ANKS1A: variants seen among roughly 807,000 people sequenced by gnomAD.
ANKS1A encodes ankyrin repeat and SAM domain-containing protein 1A.
In ANKS1A, 55 loss-of-function variants were observed where a neutral mutation model predicts 120.3. That is an observed-to-expected ratio of 0.46 (90% confidence interval 0.37 to 0.57). The LOEUF is 0.57. Among genes scored for constraint, ANKS1A ranks in the 20% least tolerant of loss-of-function variants. The pLI, the probability that ANKS1A is intolerant of heterozygous loss-of-function variation, is 0.00. For missense variants in ANKS1A, 1,123 were observed against 1,480.3 expected, an observed-to-expected ratio of 0.76 and a Z score of 3.96; for synonymous variants, 590 against 604.7, an observed-to-expected ratio of 0.98 and a Z score of 0.36.
intron 13 of ANKS1A, among the ~76,000 whole-genome samples, chr6:35,074,605 G>A (rs1291925043): frequency 6.6e-6 from 1 of 152,176 alleles, no homozygotes; most frequent in Non-Finnish European, 1.5e-5. Flanking sequence ...GCCTCTCTCT[G>A]CCTTTCTGCA....
chr6:34,972,213 C>T (rs1446813952), intron 3 of ANKS1A, among the ~76,000 whole-genome samples: 2 of 152,098 alleles, frequency 1.3e-5, no homozygotes, highest in Admixed American at 1.3e-4. Context: ...ACAGCTGCCT[C>T]CTGCTTGGAG....
chr6:35,017,878 C>T lies in ANKS1A; in HGVS notation c.1829C>T (p.Thr610Ile), dbSNP rs767732825. ...RSGARSRAPPTSKPKAELKLS... is the reference protein window; with the variant it reads ...RSGARSRAPPISKPKAELKLS... Reference sequence around the variant, plus strand: ...GGGGCCAGGAGCCGAGCGCCTCCCACTAGCAAACCCAAAGCTGAACTCAAA... The same window carrying T: ...GGGGCCAGGAGCCGAGCGCCTCCCATTAGCAAACCCAAAGCTGAACTCAAA... The change falls in exon 11 of 24, where the codon ACT (threonine) becomes ATT (isoleucine). Residue 610 changes from threonine (T) to isoleucine (I), a missense_variant. Coordinates refer to ENST00000360359, the MANE Select transcript of ANKS1A (RefSeq NM_015245.3). 2 of 1,614,216 alleles carry T rather than the reference C, an allele frequency of 1.2e-6. No individual in the cohort carries two copies. The highest frequency in any genetic ancestry group is 3.3e-5 in the Admixed American group (2 of 60,028).
chr6:35,090,419 G>T lies in ANKS1A; in HGVS notation c.*1810G>T, dbSNP rs973062757. The T allele has an allele frequency of 2.5e-6, 3 of 1,199,160 alleles. No individual in the cohort carries two copies. The Admixed American group carries it at 1.0e-4, about 40-fold the overall frequency. 74.3% of individuals were successfully genotyped at this position (1,199,160 alleles called of 1,614,324 possible). A position where few individuals can be genotyped will look rare whatever the true frequency, so the allele number is the denominator to read the frequency against. On this transcript the variant is annotated 3_prime_UTR_variant, in exon 24 of 24. Coordinates refer to ENST00000360359, the MANE Select transcript of ANKS1A (RefSeq NM_015245.3). ...CTGTCGGGGGCGGGGCGGTAGGTCC[G>T]AAAGAAACCGCAGACACTACGATGC...
chr6:35,090,335 T>G lies in ANKS1A; in HGVS notation c.*1726T>G. 7.8e-7 allele frequency: 1 copy of G among 1,277,840 alleles called. No homozygotes were observed. Among genetic ancestry groups the G allele is most frequent in the Non-Finnish European group, 1.0e-6 (1 of 980,376 alleles). 79.2% of individuals were successfully genotyped at this position (1,277,840 alleles called of 1,614,324 possible). On this transcript the variant is annotated 3_prime_UTR_variant, in exon 24 of 24. Coordinates refer to ENST00000360359, the MANE Select transcript of ANKS1A (RefSeq NM_015245.3). ...CATCCAGAGTAGACTGCGCTGCCAC[T>G]GCGCACATGCTGGTGCCCGTCTTCC...
In ANKS1A at chr6:34,933,170, C is replaced by T. The variant is rs149812005; in HGVS notation, c.198-34069C>T. On this transcript the variant is annotated intron_variant, in intron 1 of 23. Coordinates refer to ENST00000360359, the MANE Select transcript of ANKS1A (RefSeq NM_015245.3). The stretch of plus-strand genomic sequence containing the variant: ...GGACATCTTTGAATTGGGTTACTTG[C>T]CTTTCTGTTGTTGAGTTGTATGAGT... 1.1e-4 allele frequency among the ~76,000 whole-genome samples: 16 copies of T among 152,182 alleles called. 1 individual carries two copies. The highest frequency in any genetic ancestry group is 8.5e-4 in the Admixed American group (13 of 15,304).
At chr6:34,994,903 C>T (rs1344156024) in intron 10 of ANKS1A, among the ~76,000 whole-genome samples, 1 of 152,198 alleles carries the variant, frequency 6.6e-6, no homozygotes, top group Non-Finnish European at 1.5e-5. Flanking sequence ...TCGCCTTGGC[C>T]TACTTTCATT....
chr6:34,985,903 C>G (rs71567474), intron 8 of ANKS1A, among the ~76,000 whole-genome samples: 4,813 of 152,294 alleles, frequency 0.032, 119 homozygotes, highest in Non-Finnish European at 0.049. Context: ...CTTTCTGTTT[C>G]TTTCTCTAGT....
chr6:34,923,233 G>T (rs1338686812), intron 1 of ANKS1A, among the ~76,000 whole-genome samples: 2 of 152,322 alleles, frequency 1.3e-5, no homozygotes, highest in African/African-American at 2.4e-5. Flanking sequence ...AGTGAGTGTT[G>T]CCTTGAGGGG....
Position 34,964,474 on chromosome 6 carries a change from T to C in ANKS1A, c.198-2765T>C, listed in dbSNP as rs549968321. On this transcript the variant is annotated intron_variant, in intron 1 of 23. Transcript: ENST00000360359. ...CATCCATTTGCAGCGGTGTGTATTA[T>C]ACAATGCCTTCTTTCGTCGCTTTCT... 8.5e-5 allele frequency among the ~76,000 whole-genome samples: 13 copies of C among 152,364 alleles called. No homozygotes were observed. In the South Asian group the frequency reaches 2.1e-3, roughly 24 times the overall value.
At chr6:34,994,822 C>T (rs1772765622) in intron 10 of ANKS1A, among the ~76,000 whole-genome samples, 2 of 152,168 alleles carry the variant, frequency 1.3e-5, no homozygotes, top group South Asian at 4.1e-4. Context: ...CTTTTGAGTC[C>T]TGACCTCAGA....
At chr6:34,959,481 A>G (rs541695633) in intron 1 of ANKS1A, among the ~76,000 whole-genome samples, 62 of 152,340 alleles carry the variant, frequency 4.1e-4, no homozygotes, top group Admixed American at 1.0e-3. Flanking sequence ...TCCCTAAAGG[A>G]CTTATAATAT....
At chr6:35,092,884 T>C (rs954678318), downstream of ANKS1A, among the ~76,000 whole-genome samples, 5 of 152,254 alleles carry the variant, frequency 3.3e-5, no homozygotes, top group African/African-American at 1.2e-4. Context: ...CTACTGAAAA[T>C]TGGGATAGAT....
intron 10 of ANKS1A, among the ~76,000 whole-genome samples, chr6:34,994,971 A>G (rs1772772925): frequency 6.6e-6 from 1 of 152,244 alleles, no homozygotes; most frequent in Non-Finnish European, 1.5e-5. Flanking sequence ...ACTGAGATCC[A>G]GCCCGTCGAT....
At chr6:34,894,964 A>G (rs988282782) in intron 1 of ANKS1A, among the ~76,000 whole-genome samples, 2 of 152,166 alleles carry the variant, frequency 1.3e-5, no homozygotes, top group African/African-American at 4.8e-5. Context: ...CTTTAAACTA[A>G]TTTTTATGCT....
At chr6:34,949,279 A>G (rs954482633) in intron 1 of ANKS1A, among the ~76,000 whole-genome samples, 4 of 152,198 alleles carry the variant, frequency 2.6e-5, no homozygotes, top group Non-Finnish European at 5.9e-5. Flanking sequence ...TGGATGGTGC[A>G]TAGCTGACAC....
At chr6:35,026,395 T>C (rs1156558871) in intron 11 of ANKS1A, among the ~76,000 whole-genome samples, 1 of 152,236 alleles carries the variant, frequency 6.6e-6, no homozygotes. Context: ...CTGTAAGTGC[T>C]GGGGATACAG....
rs1055206835 is a variant in ANKS1A at position 35,044,106 on chromosome 6, T to C, written c.2011-9993T>C. Among the ~76,000 whole-genome samples, 1 of 152,206 alleles carries C rather than the reference T, an allele frequency of 6.6e-6. No individual in the cohort carries two copies. Among genetic ancestry groups the C allele is most frequent in the African/African-American group, 2.4e-5 (1 of 41,456 alleles). On this transcript the variant is annotated intron_variant, in intron 11 of 23. Coordinates refer to ENST00000360359, the MANE Select transcript of ANKS1A (RefSeq NM_015245.3). This position sits in a 1 kb window ranked among gnomAD's most constrained non-coding sequence, Gnocchi z 4.4. The stretch of plus-strand genomic sequence containing the variant: ...CAAATATAACCATCCTAAGCAGTTT[T>C]GGAAATGACCCCAGCTGACTCTTGG...
intron 11 of ANKS1A, among the ~76,000 whole-genome samples, chr6:35,021,329 G>A (rs1774329341): frequency 6.6e-6 from 1 of 152,174 alleles, no homozygotes; most frequent in African/African-American, 2.4e-5. Flanking sequence ...TGTGAGACCT[G>A]GGGAGGGAGA....
At chr6:34,947,141 T>A (rs925630599) in intron 1 of ANKS1A, among the ~76,000 whole-genome samples, 5 of 133,686 alleles carry the variant, frequency 3.7e-5, no homozygotes, top group African/African-American at 1.6e-4. Flanking sequence ...TATAGTAGAC[T>A]CTTTTTTTTT....
Sources: gnomAD v4.1 joint callset for allele counts (sites outside exome capture counted in the v4.1 genomes callset) on GRCh38, gnomAD v4.1.1 for gene constraint, Gnocchi (gnomAD v3.1) non-coding constraint, MANE v1.5 for transcripts, NCBI Gene and HGNC (gene_info 2026-07-23, HGNC 2026-07-21) for gene names.